The following CADM2 variants were observed in gnomAD, a reference collection of about 807,000 sequenced individuals.
CADM2 encodes the protein immunoglobulin superfamily member 4D.
In CADM2, 12 loss-of-function variants were observed where a neutral mutation model predicts 49.8. The observed-to-expected ratio is 0.24, with a 90% CI of 0.15 to 0.39. The LOEUF (loss-of-function observed/expected upper bound fraction) is 0.39. Ranked by LOEUF, CADM2 falls within the 10% of genes least tolerant of loss-of-function variation. CADM2 has a pLI of 1.00. For synonymous variants in CADM2, 214 were observed against 175.4 expected (o/e 1.22, Z -1.74); for missense variants, 378 against 492.3 (o/e 0.77, Z 2.20).
At chr3:85,001,032 T>A (rs1437315262) in intron 1 of CADM2, among the ~76,000 whole-genome samples, 2 of 152,142 alleles carry the variant, frequency 1.3e-5, no homozygotes, top group Non-Finnish European at 2.9e-5. Context: ...TTGTGGATAT[T>A]CTTTTTGTCA....
intron 3 of CADM2, among the ~76,000 whole-genome samples, chr3:85,842,552 A>G (rs1324826324): frequency 6.6e-6 from 1 of 152,050 alleles, no homozygotes; most frequent in Non-Finnish European, 1.5e-5. Flanking sequence ...ATTCATCTCA[A>G]ATCTAAACTT....
At chr3:85,123,256 GAAGT>G (rs1336549699) in intron 1 of CADM2, among the ~76,000 whole-genome samples, 2 of 152,136 alleles carry the variant, frequency 1.3e-5, no homozygotes, top group Admixed American at 1.3e-4. Flanking sequence ...CTAAAGGCAA[GAAGT>G]AATACTCTTA....
intron 5 of CADM2, among the ~76,000 whole-genome samples, chr3:85,899,795 G>T (rs573347446): frequency 5.9e-5 from 9 of 152,014 alleles, no homozygotes; most frequent in Admixed American, 3.3e-4. Context: ...CACCATTTAC[G>T]GTCCTGTTTG....
chr3:85,944,493 C>G (rs1256988185), intron 7 of CADM2, among the ~76,000 whole-genome samples: 4 of 151,996 alleles, frequency 2.6e-5, no homozygotes, highest in Non-Finnish European at 4.4e-5. Context: ...CACAGCACAC[C>G]TATTCCAAAA....
At chr3:86,051,742 G>T (rs1430145574) in intron 8 of CADM2, among the ~76,000 whole-genome samples, 1 of 152,122 alleles carries the variant, frequency 6.6e-6, no homozygotes, top group Non-Finnish European at 1.5e-5. Flanking sequence ...GCAGGAGGAA[G>T]AGAGAGCCGA....
chr3:85,847,125 T>A (rs2108280333), intron 3 of CADM2, among the ~76,000 whole-genome samples: 1 of 152,316 alleles, frequency 6.6e-6, no homozygotes, highest in South Asian at 2.1e-4. Context: ...GATGTTGACA[T>A]TAGCAGTGTG....
intron 1 of CADM2, among the ~76,000 whole-genome samples, chr3:85,271,018 C>T (rs961152645): frequency 2.6e-5 from 4 of 151,236 alleles, no homozygotes; most frequent in South Asian, 2.1e-4. Flanking sequence ...AGGTTAATTG[C>T]TGTTACCCTT....
intron 1 of CADM2, among the ~76,000 whole-genome samples, chr3:85,194,973 G>A (rs1424651406): frequency 3.9e-5 from 6 of 151,910 alleles, no homozygotes; most frequent in Admixed American, 6.6e-5. Flanking sequence ...CTCCTGAGTG[G>A]CTAAGACTAC....
chr3:85,429,259 G>A (rs943077540), intron 1 of CADM2, among the ~76,000 whole-genome samples: 19 of 151,810 alleles, frequency 1.3e-4, no homozygotes, highest in Middle Eastern at 3.2e-3. Flanking sequence ...TATCAATATC[G>A]CTTTCATAGT....
Position 85,883,284 on chromosome 3 carries a change from T to C in CADM2, c.239-7T>C, listed in dbSNP as rs1713082031. On this transcript the variant is annotated splice_polypyrimidine_tract_variant and splice_region_variant and intron_variant, in intron 3 of 9. Transcript: ENST00000383699. The stretch of plus-strand genomic sequence containing the variant: ...TTATTTACATTTTCAATATTTTCTC[T>C]TTCCAGCTTTAAGGGACAATAGGAT... 1.2e-6 allele frequency: 2 copies of C among 1,600,282 alleles called. No individual in the cohort carries two copies. The highest frequency in any genetic ancestry group is 2.7e-5 in the African/African-American group (2 of 74,780).
chr3:85,168,344 CA>C (rs2040527120), intron 1 of CADM2, among the ~76,000 whole-genome samples: 1 of 152,118 alleles, frequency 6.6e-6, no homozygotes. Flanking sequence ...CATGAGCTAC[CA>C]TGCCCGGCCC....
chr3:85,493,964 G>A (rs1284344529), intron 1 of CADM2, among the ~76,000 whole-genome samples: 3 of 152,132 alleles, frequency 2.0e-5, no homozygotes, highest in Admixed American at 6.5e-5. Flanking sequence ...ATCCTCAAAT[G>A]TGACAGCACA....
intron 1 of CADM2, among the ~76,000 whole-genome samples, chr3:85,689,729 G>A (rs1255277763): frequency 1.3e-5 from 2 of 152,302 alleles, no homozygotes; most frequent in Non-Finnish European, 2.9e-5. Flanking sequence ...TATTGAAAAT[G>A]AGCAGATTAT....
intron 1 of CADM2, among the ~76,000 whole-genome samples, chr3:85,042,002 A>G (rs1182495941): frequency 6.6e-6 from 1 of 152,238 alleles, no homozygotes; most frequent in Non-Finnish European, 1.5e-5. Flanking sequence ...TCACACATGC[A>G]TAATATTGAA....
chr3:85,751,253 A>G (rs1195511352), intron 2 of CADM2, among the ~76,000 whole-genome samples: 1 of 152,094 alleles, frequency 6.6e-6, no homozygotes, highest in South Asian at 2.1e-4. Flanking sequence ...GAGGAAAGGA[A>G]CTACCTATGT....
intron 3 of CADM2, among the ~76,000 whole-genome samples, chr3:85,830,386 A>G (rs543210225): frequency 1.3e-5 from 2 of 151,996 alleles, no homozygotes; most frequent in East Asian, 3.9e-4. Context: ...TCTTTTTGCC[A>G]TTGAGTTGTG....
intron 1 of CADM2, among the ~76,000 whole-genome samples, chr3:85,232,515 A>G (rs60516872): frequency 0.066 from 10,073 of 152,206 alleles, 1,100 homozygotes; most frequent in African/African-American, 0.23. Context: ...CAGAGCACCT[A>G]TATCACAGTG....
chr3:85,998,225 T>C (rs1051695371), intron 8 of CADM2, among the ~76,000 whole-genome samples: 2 of 152,174 alleles, frequency 1.3e-5, no homozygotes, highest in African/African-American at 4.8e-5. Context: ...TTAATTTCTA[T>C]TTTGAAAAAC....
chr3:85,978,043 T>C (rs73134138), intron 8 of CADM2, among the ~76,000 whole-genome samples: 1,605 of 151,718 alleles, frequency 0.011, 23 homozygotes, highest in Middle Eastern at 0.068. Context: ...TGTCAAACAC[T>C]CGGAATATAT....
Sources: gnomAD v4.1 joint callset for allele counts (sites outside exome capture counted in the v4.1 genomes callset) on GRCh38, gnomAD v4.1.1 for gene constraint, MANE v1.5 for transcripts, NCBI Gene and HGNC (gene_info 2026-07-23, HGNC 2026-07-21) for gene names.